CDC42BPB: variants seen among roughly 807,000 people sequenced by gnomAD.
The protein encoded by CDC42BPB is CDC42 binding protein kinase beta, also known as serine/threonine-protein kinase MRCK beta.
A neutral mutation model predicts 214.9 loss-of-function variants in CDC42BPB; 37 were observed. The observed-to-expected ratio is 0.17, with a 90% confidence interval of 0.13 to 0.23. The LOEUF (loss-of-function observed/expected upper bound fraction) is 0.23, where lower values mean the gene tolerates loss of function less well. CDC42BPB is among the 10% of genes least tolerant of loss of function. The pLI, the probability that CDC42BPB is intolerant of heterozygous loss-of-function variation, is 1.00. For synonymous variants in CDC42BPB, 931 were observed against 884.0 expected, an observed-to-expected ratio of 1.05 and a Z score of -0.94; for missense variants, 1,694 against 2,227.0, an observed-to-expected ratio of 0.76 and a Z score of 4.82.
At chr14:103,009,089 C>T (rs978094491) in intron 2 of CDC42BPB, among the ~76,000 whole-genome samples, 5 of 152,222 alleles carry the variant, frequency 3.3e-5, no homozygotes, top group African/African-American at 4.8e-5. Flanking sequence ...AAGTCACTCA[C>T]ACACGGGCCC....
intron 1 of CDC42BPB, among the ~76,000 whole-genome samples, chr14:103,053,208 C>G (rs753079692): frequency 6.6e-6 from 1 of 151,786 alleles, no homozygotes. Flanking sequence ...ATTAGCCAGG[C>G]GTGGTGGCAG....
At chr14:103,000,420 C>T (rs1253747609) in intron 4 of CDC42BPB, among the ~76,000 whole-genome samples, 4 of 152,260 alleles carry the variant, frequency 2.6e-5, no homozygotes, top group Admixed American at 2.0e-4. Flanking sequence ...AAGCTCAGAC[C>T]ACAAAGCCCA....
At chr14:102,949,994 G>A (rs1892410862) in intron 25 of CDC42BPB, 90 bp from the exon 26 acceptor site, 1 of 1,566,324 alleles carries the variant, frequency 6.4e-7, no homozygotes. Flanking sequence ...CCTTCCAGCT[G>A]CCAGGCTGGC....
At position 102,939,955 on chromosome 14, in the gene CDC42BPB, A is replaced by G. The variant is rs774459084; in HGVS notation, c.4592-8T>C. 1.5e-5 allele frequency: 25 copies of G among 1,613,782 alleles called. No homozygotes were observed. The South Asian group carries it at 2.0e-4, about 13-fold the overall frequency. ...GCACGTTGAGAACCGCTCCTGCAGA[A>G]GCAGAGCGCGCGGTGACGGTGCTGC... is the stretch of plus-strand genomic sequence containing the variant. On this transcript the variant is annotated splice_polypyrimidine_tract_variant and splice_region_variant and intron_variant, in intron 32 of 36. Coordinates refer to ENST00000361246, the MANE Select transcript of CDC42BPB (RefSeq NM_006035.4).
rs760396987 is a variant in CDC42BPB, at chr14:103,004,059, T to G, written c.352-36A>C. On this transcript the variant is annotated intron_variant, in intron 3 of 36. Coordinates refer to ENST00000361246, the MANE Select transcript of CDC42BPB (RefSeq NM_006035.4). This position sits in a 1 kb window ranked among gnomAD's most constrained non-coding sequence, Gnocchi z 5.3. ...ACGAGGGGTGTCAGTCTGTGTTCAC[T>G]GGGAAGCAGGCCAGAGAGCGTACTG... is the stretch of plus-strand genomic sequence containing the variant. 1 of 1,559,012 alleles carries G rather than the reference T, an allele frequency of 6.4e-7. No individual in the cohort carries two copies.
intron 5 of CDC42BPB, among the ~76,000 whole-genome samples, chr14:102,989,401 G>T (rs1894391971): frequency 6.6e-6 from 1 of 152,214 alleles, no homozygotes; most frequent in African/African-American, 2.4e-5. Flanking sequence ...CCCACTTGTA[G>T]AGATTTACCC....
chr14:102,966,214 C>A, intron 18 of CDC42BPB, 68 bp downstream of exon 18: 1 of 1,188,848 alleles, frequency 8.4e-7, no homozygotes, highest in Non-Finnish European at 1.2e-6. Flanking sequence ...ACTTATATGT[C>A]ACATTTATAC....
At chr14:102,988,654 C>G (rs896077910) in intron 5 of CDC42BPB, among the ~76,000 whole-genome samples, 1 of 151,944 alleles carries the variant, frequency 6.6e-6, no homozygotes, top group Non-Finnish European at 1.5e-5. Context: ...AAATCAAGTA[C>G]AGGACAAAGA....
At chr14:102,951,510 T>G (rs1382545850) in intron 24 of CDC42BPB, among the ~76,000 whole-genome samples, 1 of 151,434 alleles carries the variant, frequency 6.6e-6, no homozygotes, top group African/African-American at 2.4e-5. Context: ...TATGATGGGC[T>G]GGGCGCAGTG....
At chr14:102,945,629 A>G (rs937492445) in intron 29 of CDC42BPB, 33 bp downstream of exon 29, 7 of 1,599,784 alleles carry the variant, frequency 4.4e-6, no homozygotes, top group Admixed American at 3.3e-5. Flanking sequence ...TGGGCCTGTG[A>G]CATCCCAGGC....
intron 12 of CDC42BPB, 80 bp downstream of exon 12, chr14:102,973,936 T>C: frequency 6.7e-7 from 1 of 1,488,848 alleles, no homozygotes; most frequent in Non-Finnish European, 9.0e-7. Flanking sequence ...CAAGAGGTCT[T>C]CCATCATCGG....
At chr14:102,972,464 G>T in intron 12 of CDC42BPB, 1 of 222,268 alleles carries the variant, frequency 4.5e-6, no homozygotes, top group Non-Finnish European at 7.6e-6. Flanking sequence ...AGGTGGGCGG[G>T]TCACCTGAGG....
chr14:102,964,810 A>G, intron 18 of CDC42BPB, 160 bp from the exon 19 acceptor site: 1 of 974,422 alleles, frequency 1.0e-6, no homozygotes, highest in Non-Finnish European at 1.2e-6. Flanking sequence ...TAGTTTTGAT[A>G]TTTTATGACT....
intron 1 of CDC42BPB, among the ~76,000 whole-genome samples, chr14:103,013,973 G>A (rs1025633253): frequency 1.3e-5 from 2 of 152,124 alleles, no homozygotes; most frequent in Non-Finnish European, 2.9e-5. Flanking sequence ...AGACCATCCT[G>A]GCTAACACGG....
intron 34 of CDC42BPB, 88 bp downstream of exon 34, chr14:102,939,522 C>G: frequency 1.0e-6 from 1 of 965,006 alleles, no homozygotes; most frequent in South Asian, 1.3e-5. Context: ...CAGGCACTGC[C>G]TTTGGGACAG....
chr14:102,983,563 T>C lies in CDC42BPB; in HGVS notation c.884A>G (p.Asn295Ser). The part of the protein sequence containing the change: ...SLVETYGKIM[N>S]HEERFQFPSH... ...AAAAATGCAACGTCTTACTTCATGGTTCATGATCTTCCCATAGGTCTCCAC... is the reference window on the plus strand; with the variant it reads ...AAAAATGCAACGTCTTACTTCATGGCTCATGATCTTCCCATAGGTCTCCAC... Residue 295 changes from asparagine to serine, a missense_variant, in exon 7 of 37, where the codon AAC (asparagine) becomes AGC (serine). By Grantham distance (46) the Asn-to-Ser change is conservative. This residue lies in a region of CDC42BPB where 225 missense variants were observed against 459.3 expected (regional missense o/e 0.49). Transcript: ENST00000361246. 1 of 1,600,042 alleles carries C rather than the reference T, an allele frequency of 6.2e-7. No homozygotes were observed. Among genetic ancestry groups the C allele is most frequent in the South Asian group, 1.1e-5 (1 of 90,794 alleles).
At chr14:103,044,871 T>C (rs1055512202) in intron 1 of CDC42BPB, among the ~76,000 whole-genome samples, 1 of 151,236 alleles carries the variant, frequency 6.6e-6, no homozygotes, top group South Asian at 2.1e-4. Flanking sequence ...TCTTTCTCAA[T>C]AGTAAAGCAT....
At chr14:103,051,684 A>C (rs904053174) in intron 1 of CDC42BPB, among the ~76,000 whole-genome samples, 11 of 152,254 alleles carry the variant, frequency 7.2e-5, no homozygotes, top group Non-Finnish European at 1.3e-4. Flanking sequence ...ATTTTGCCTG[A>C]AGGGCAATTC....
intron 1 of CDC42BPB, among the ~76,000 whole-genome samples, chr14:103,053,509 C>A (rs1459692399): frequency 1.6e-4 from 24 of 151,852 alleles, no homozygotes; most frequent in Non-Finnish European, 2.9e-4. Context: ...CACCTGTAAT[C>A]CAAGAACTTT....
Sources: allele counts gnomAD v4.1 joint callset (sites outside exome capture counted in the v4.1 genomes callset), GRCh38; gene constraint gnomAD v4.1.1; regional missense constraint gnomAD v4.1.1; non-coding constraint Gnocchi (gnomAD v3.1); transcripts MANE v1.5; gene names NCBI Gene and HGNC (gene_info 2026-07-23, HGNC 2026-07-21).